The following HNF4G variants were observed in gnomAD, a reference collection of about 807,000 sequenced individuals.
The protein encoded by HNF4G is hepatocyte nuclear factor 4-gamma.
HNF4G carries 21 observed loss-of-function variants against 50.9 expected under a neutral mutation model. That is an observed-to-expected ratio of 0.41 (90% CI 0.29 to 0.59). HNF4G has a LOEUF of 0.59. Ranked by LOEUF, HNF4G falls within the 20% of genes least tolerant of loss-of-function variation. The pLI, the probability that HNF4G is intolerant of heterozygous loss-of-function variation, is 0.26. For synonymous variants in HNF4G, 198 were observed against 185.6 expected (o/e 1.07, Z -0.54); for missense variants, 527 against 559.4 (o/e 0.94, Z 0.58).
At chr8:75,552,963 A>G (rs1438360185) in intron 4 of HNF4G, 79 bp from the exon 5 acceptor site, 1 of 975,972 alleles carries the variant, frequency 1.0e-6, no homozygotes. Flanking sequence ...GCCTTTACTT[A>G]TCATAGTCAA....
At chr8:75,414,250 G>A (rs1810573971) in intron 1 of HNF4G, among the ~76,000 whole-genome samples, 1 of 151,550 alleles carries the variant, frequency 6.6e-6, no homozygotes, top group South Asian at 2.1e-4. Flanking sequence ...TATATAAATG[G>A]AATCATATAC....
At chr8:75,494,299 AGCACACACACAC>A (rs796867332) in intron 2 of HNF4G, among the ~76,000 whole-genome samples, 10,548 of 137,096 alleles carry the variant, frequency 0.077, 457 homozygotes, top group Non-Finnish European at 0.084. Context: ...TCTCCCATAC[AGCACACACACAC>A]ACACACACAC....
chr8:75,468,544 A>G (rs1812043229), intron 1 of HNF4G, among the ~76,000 whole-genome samples: 1 of 151,980 alleles, frequency 6.6e-6, no homozygotes, highest in Non-Finnish European at 1.5e-5. Flanking sequence ...AAATATAAAA[A>G]TTAGCCGAGT....
In HNF4G at chr8:75,452,987, A is replaced by T. The variant is rs59006573; in HGVS notation, c.-143-37102A>T. 5.0e-3 allele frequency among the ~76,000 whole-genome samples: 766 copies of T among 152,350 alleles called. 13 individuals carry two copies. The highest frequency in any genetic ancestry group is 0.018 in the African/African-American group (740 of 41,584). On this transcript the variant is annotated intron_variant, in intron 1 of 10. Transcript: ENST00000354370. ...GAATAAATTAATGAGGAAATGAATGATTATGTAAATTTAAAAAGGTTAAGT... is the reference window on the plus strand; with the variant it reads ...GAATAAATTAATGAGGAAATGAATGTTTATGTAAATTTAAAAAGGTTAAGT...
At chr8:75,477,478 A>T (rs1382641812) in intron 1 of HNF4G, among the ~76,000 whole-genome samples, 1 of 152,138 alleles carries the variant, frequency 6.6e-6, no homozygotes, top group East Asian at 1.9e-4. Flanking sequence ...TTGGAAACAC[A>T]TGTAAAGAGA....
upstream of HNF4G, among the ~76,000 whole-genome samples, chr8:75,537,630 A>G (rs1806503179): frequency 6.6e-6 from 1 of 152,162 alleles, no homozygotes; most frequent in African/African-American, 2.4e-5. Context: ...AGTTTAGACA[A>G]TATTTTGAAA....
intron 1 of HNF4G, among the ~76,000 whole-genome samples, chr8:75,433,676 G>A (rs983997681): frequency 1.3e-5 from 2 of 152,032 alleles, no homozygotes; most frequent in African/African-American, 4.8e-5. Flanking sequence ...TGGGATTACA[G>A]GCATAAGCCA....
At chr8:75,421,216 T>C (rs780664182) in intron 1 of HNF4G, among the ~76,000 whole-genome samples, 31 of 152,218 alleles carry the variant, frequency 2.0e-4, no homozygotes, top group Non-Finnish European at 3.8e-4. Context: ...GTCTTGGAAA[T>C]CTGTGCATTT....
chr8:75,490,885 T>A (rs1240062130), intron 2 of HNF4G, among the ~76,000 whole-genome samples: 1 of 152,240 alleles, frequency 6.6e-6, no homozygotes, highest in Admixed American at 6.5e-5. Context: ...CTTCGCTTAA[T>A]AATTTGCATT....
chr8:75,487,295 C>T (rs888128632), intron 1 of HNF4G, among the ~76,000 whole-genome samples: 1 of 151,738 alleles, frequency 6.6e-6, no homozygotes, highest in Non-Finnish European at 1.5e-5. Flanking sequence ...TTTAACATGC[C>T]GTTGGCTCTA....
In HNF4G at chr8:75,418,913, G is replaced by A. The variant is rs541301565; in HGVS notation, c.-144+10751G>A. On this transcript the variant is annotated intron_variant, in intron 1 of 10. Transcript: ENST00000354370. ...TGGCTAATTTTGTATTTTTGGTAGA[G>A]GCGGGTTTTCTCCATGTTGGCCACA... Among the ~76,000 whole-genome samples, 34 of 151,940 alleles carry A rather than the reference G, an allele frequency of 2.2e-4. 2 individuals are homozygous for A. In the South Asian group the frequency reaches 6.9e-3, roughly 31 times the overall value.
intron 1 of HNF4G, among the ~76,000 whole-genome samples, chr8:75,448,533 A>G (rs1318513401): frequency 2.0e-5 from 3 of 150,740 alleles, no homozygotes; most frequent in Non-Finnish European, 4.4e-5. Context: ...AGAAAACCTA[A>G]TATTTATACG....
At chr8:75,422,514 T>C (rs1810796837) in intron 1 of HNF4G, among the ~76,000 whole-genome samples, 1 of 152,230 alleles carries the variant, frequency 6.6e-6, no homozygotes, top group South Asian at 2.1e-4. Flanking sequence ...AAAGTAAATA[T>C]ATTAACTTTG....
In HNF4G at chr8:75,559,052, T is replaced by C. The variant is rs760699618; in HGVS notation, c.1123+15T>C. 1 of 1,365,602 alleles carries C rather than the reference T, an allele frequency of 7.3e-7. No individual in the cohort carries two copies. The allele number at this position is 1,365,602 out of a possible 1,614,324, so 84.6% of individuals were successfully genotyped here. A position where few individuals can be genotyped will look rare whatever the true frequency, so the allele number is the denominator to read the frequency against. On this transcript the variant is annotated intron_variant, in intron 8 of 9. Coordinates refer to ENST00000396423, the MANE Select transcript of HNF4G (RefSeq NM_004133.5). Reference sequence around the variant, plus strand: ...GCTATTAGGTGGTGAGTACATTGAATAATTTCTACTTTATTGATTAGAATC... The same window carrying C: ...GCTATTAGGTGGTGAGTACATTGAACAATTTCTACTTTATTGATTAGAATC...
intron 2 of HNF4G, among the ~76,000 whole-genome samples, chr8:75,497,680 T>C (rs1204064806): frequency 2.1e-5 from 3 of 139,582 alleles, no homozygotes; most frequent in African/African-American, 9.1e-5. Flanking sequence ...CAAGACTCCA[T>C]TTCCACCCCC....
At chr8:75,507,926 A>G (rs985996379) in intron 2 of HNF4G, among the ~76,000 whole-genome samples, 1 of 152,186 alleles carries the variant, frequency 6.6e-6, no homozygotes, top group Non-Finnish European at 1.5e-5. Flanking sequence ...GGAGAATTTA[A>G]GAGTTTTTAA....
At chr8:75,463,496 A>G (rs1585865545) in intron 1 of HNF4G, among the ~76,000 whole-genome samples, 1 of 152,174 alleles carries the variant, frequency 6.6e-6, no homozygotes, top group East Asian at 1.9e-4. Context: ...TAATTACACC[A>G]TCTTTCCTTG....
chr8:75,502,346 A>C (rs1407056826), intron 2 of HNF4G, among the ~76,000 whole-genome samples: 1 of 152,220 alleles, frequency 6.6e-6, no homozygotes, highest in Admixed American at 6.5e-5. Context: ...ACAGTAAAAC[A>C]TAGAGATAAC....
At chr8:75,476,471 A>G (rs1201546894) in intron 1 of HNF4G, among the ~76,000 whole-genome samples, 2 of 152,328 alleles carry the variant, frequency 1.3e-5, no homozygotes, top group East Asian at 3.9e-4. Context: ...GAAATTCTGC[A>G]TTTGAGTGTA....
Sources: allele counts gnomAD v4.1 joint callset (sites outside exome capture counted in the v4.1 genomes callset), GRCh38; gene constraint gnomAD v4.1.1; transcripts MANE v1.5; gene names NCBI Gene and HGNC (gene_info 2026-07-23, HGNC 2026-07-21).